GABRG3: variants seen among roughly 807,000 people sequenced by gnomAD.
The protein encoded by GABRG3 is gamma-aminobutyric acid type A receptor subunit gamma3.
GABRG3 carries 25 observed loss-of-function variants against 48.8 expected under a neutral mutation model. The observed-to-expected ratio is 0.51, with a 90% CI of 0.37 to 0.72. The LOEUF (loss-of-function observed/expected upper bound fraction) is 0.72. GABRG3 is among the 30% of genes least tolerant of loss of function. The probability of loss-of-function intolerance (pLI) is 0.00; values close to 1 mark genes in which losing one functional copy is unlikely to be tolerated. For synonymous variants in GABRG3, 227 were observed against 217.6 expected (o/e 1.04, Z -0.38); for missense variants, 394 against 577.9 (o/e 0.68, Z 3.26).
chr15:27,156,773 G>T (rs1210163347), intron 3 of GABRG3, among the ~76,000 whole-genome samples: 1 of 152,218 alleles, frequency 6.6e-6, no homozygotes, highest in African/African-American at 2.4e-5. Context: ...AAGGTGATCA[G>T]CAGTCAGAGT....
chr15:27,117,174 C>T (rs963823150), intron 3 of GABRG3, among the ~76,000 whole-genome samples: 6 of 152,186 alleles, frequency 3.9e-5, no homozygotes, highest in African/African-American at 1.4e-4. Flanking sequence ...GGCTTTGCAG[C>T]CCAAAGCCTT....
chr15:27,067,210 C>T (rs1010018241), intron 3 of GABRG3, among the ~76,000 whole-genome samples: 11 of 152,152 alleles, frequency 7.2e-5, no homozygotes, highest in South Asian at 4.1e-4. Context: ...CTCCAGGAGC[C>T]GAGTGGACCT....
At chr15:27,083,274 T>C (rs7166879) in intron 3 of GABRG3, among the ~76,000 whole-genome samples, 32,072 of 151,772 alleles carry the variant, frequency 0.21, 3,580 homozygotes, top group Middle Eastern at 0.28. Flanking sequence ...AGAAAGGAAG[T>C]GGCATCAAAA....
At chr15:27,254,576 G>A (rs1002255003) in intron 3 of GABRG3, among the ~76,000 whole-genome samples, 4 of 152,054 alleles carry the variant, frequency 2.6e-5, no homozygotes, top group Non-Finnish European at 4.4e-5. Context: ...GATTCAGTGC[G>A]TGATGAGGGC....
At position 27,496,572 on chromosome 15, in the gene GABRG3, T is replaced by C. The variant is rs886358885; in HGVS notation, c.712+15785T>C. ...TTTCCTCGGGTCCCAAAGTCCCTAG[T>C]TGGTCTTCTCCACATTTCGAAGCGT... On this transcript the variant is annotated intron_variant, in intron 6 of 9. Coordinates refer to ENST00000615808, the MANE Select transcript of GABRG3 (RefSeq NM_033223.5). 2.6e-5 allele frequency among the ~76,000 whole-genome samples: 4 copies of C among 152,334 alleles called. No homozygotes were observed. In the East Asian group the frequency reaches 5.8e-4, roughly 22 times the overall value.
At chr15:27,318,796 G>A (rs1410168729) in intron 3 of GABRG3, among the ~76,000 whole-genome samples, 2 of 152,122 alleles carry the variant, frequency 1.3e-5, no homozygotes, top group African/African-American at 4.8e-5. Flanking sequence ...CTCTCTGGGG[G>A]TCTAAGGGTC....
rs919251936 is a variant in GABRG3, at chr15:27,539,802, G to C, written c.*6921G>C. ...AGGGTGGCCTTGGGAGCTACAGAGA[G>C]GAAAAAAAGAAAAAATGTTGCATTC... On this transcript the variant is annotated 3_prime_UTR_variant, in exon 10 of 10. Coordinates refer to ENST00000615808, the MANE Select transcript of GABRG3 (RefSeq NM_033223.5). 2 of 151,794 alleles carry C rather than the reference G, an allele frequency of 1.3e-5. No individual in the cohort carries two copies. Among genetic ancestry groups the C allele is most frequent in the Admixed American group, 6.6e-5 (1 of 15,246 alleles). 9.4% of individuals were successfully genotyped at this position (151,794 alleles called of 1,614,324 possible).
At chr15:27,291,945 T>C (rs1335686201) in intron 3 of GABRG3, among the ~76,000 whole-genome samples, 1 of 152,176 alleles carries the variant, frequency 6.6e-6, no homozygotes, top group African/African-American at 2.4e-5. Flanking sequence ...TTGGGACATT[T>C]GTATGCAAGG....
chr15:27,061,073 G>C (rs1001443863), intron 3 of GABRG3, among the ~76,000 whole-genome samples: 1 of 152,232 alleles, frequency 6.6e-6, no homozygotes, highest in South Asian at 2.1e-4. Context: ...CAAAACAGGA[G>C]TCTATGAAGA....
intron 3 of GABRG3, among the ~76,000 whole-genome samples, chr15:27,190,705 G>A (rs1888266762): frequency 1.3e-5 from 2 of 151,904 alleles, no homozygotes; most frequent in African/African-American, 4.8e-5. Context: ...TTTTTGAAGG[G>A]TTTTTTGTGT....
At chr15:27,187,485 A>C (rs1888135325) in intron 3 of GABRG3, among the ~76,000 whole-genome samples, 1 of 152,152 alleles carries the variant, frequency 6.6e-6, no homozygotes, top group South Asian at 2.1e-4. Context: ...TGAATATGTA[A>C]ATCACTTTGA....
chr15:26,991,799 C>T (rs1429785952), intron 2 of GABRG3, among the ~76,000 whole-genome samples: 1 of 152,082 alleles, frequency 6.6e-6, no homozygotes, highest in African/African-American at 2.4e-5. Flanking sequence ...CGGCTCACTG[C>T]AACCTCCACC....
rs1371452980 is a variant in GABRG3 at position 27,480,647 on chromosome 15, T to C, written c.575-3T>C. On this transcript the variant is annotated splice_region_variant and splice_polypyrimidine_tract_variant and intron_variant, in intron 5 of 9. Coordinates refer to ENST00000615808, the MANE Select transcript of GABRG3 (RefSeq NM_033223.5). ...AGTGCTAATGTTTGCTCTGTGTTTT[T>C]AGATGGCTATCCCAAAGAAGAAATG... is the stretch of plus-strand genomic sequence containing the variant. The C allele has an allele frequency of 6.2e-7, 1 of 1,607,812 alleles. No homozygotes were observed. The highest frequency in any genetic ancestry group is 8.5e-7 in the Non-Finnish European group (1 of 1,176,508).
intron 3 of GABRG3, among the ~76,000 whole-genome samples, chr15:27,261,904 A>G (rs1356992654): frequency 6.6e-6 from 1 of 152,096 alleles, no homozygotes; most frequent in African/African-American, 2.4e-5. Flanking sequence ...TTTCCCTGTA[A>G]GCCTCTGGGT....
chr15:27,121,109 G>A (rs779445162), intron 3 of GABRG3, among the ~76,000 whole-genome samples: 1 of 152,168 alleles, frequency 6.6e-6, no homozygotes, highest in Admixed American at 6.5e-5. Flanking sequence ...TTTAGACAAT[G>A]AGAGGGTGGC....
chr15:27,452,421 C>G (rs543489567), intron 5 of GABRG3, among the ~76,000 whole-genome samples: 67 of 152,202 alleles, frequency 4.4e-4, no homozygotes, highest in Middle Eastern at 3.4e-3. Flanking sequence ...GCCAATACCC[C>G]CACAGTGGAA....
chr15:27,126,773 G>A (rs761109163), intron 3 of GABRG3, among the ~76,000 whole-genome samples: 4 of 152,152 alleles, frequency 2.6e-5, no homozygotes, highest in East Asian at 1.9e-4. Context: ...AGTTTAGCCC[G>A]CCATGATGGA....
chr15:27,309,496 A>T (rs1196220806), intron 3 of GABRG3, among the ~76,000 whole-genome samples: 1 of 152,002 alleles, frequency 6.6e-6, no homozygotes, highest in African/African-American at 2.4e-5. Flanking sequence ...TTAAACAAAA[A>T]ACTTGGTAAA....
intron 3 of GABRG3, among the ~76,000 whole-genome samples, chr15:27,202,276 C>A (rs1368772026): frequency 1.3e-5 from 2 of 151,732 alleles, no homozygotes; most frequent in Non-Finnish European, 2.9e-5. Flanking sequence ...CATTTTTTTT[C>A]TGTTTCACTT....
Sources: allele counts gnomAD v4.1 joint callset (sites outside exome capture counted in the v4.1 genomes callset), GRCh38; gene constraint gnomAD v4.1.1; transcripts MANE v1.5; gene names NCBI Gene and HGNC (gene_info 2026-07-23, HGNC 2026-07-21).